The following CACNB4 variants were observed in gnomAD, a reference collection of about 807,000 sequenced individuals.
The protein encoded by CACNB4 is voltage-dependent L-type calcium channel subunit beta-4.
In CACNB4, 32 loss-of-function variants were observed where a neutral mutation model predicts 71.2. The ratio of observed to expected loss-of-function variants is 0.45; its 90% confidence interval spans 0.34 to 0.60. The LOEUF is 0.60. Among genes scored for constraint, CACNB4 ranks in the 20% least tolerant of loss-of-function variants. The probability of loss-of-function intolerance (pLI) is 0.01; values close to 1 mark genes in which losing one functional copy is unlikely to be tolerated. For missense variants in CACNB4, 464 were observed against 647.9 expected (o/e 0.72, Z 3.08); for synonymous variants, 231 against 236.9 (o/e 0.97, Z 0.23).
intron 9 of CACNB4, chr2:151,868,635 A>G (rs890128414): frequency 2.0e-5 from 3 of 152,192 alleles, no homozygotes; most frequent in Admixed American, 2.0e-4. Flanking sequence ...TCTAATAAAA[A>G]CAACCCACAA....
At chr2:151,867,727 A>G (rs974526721) in intron 9 of CACNB4, 4 of 152,364 alleles carry the variant, frequency 2.6e-5, no homozygotes, top group South Asian at 2.1e-4. Context: ...GTATGACCAC[A>G]TAACCAAGTT....
intron 2 of CACNB4, among the ~76,000 whole-genome samples, chr2:151,929,562 A>C (rs2151597889): frequency 6.6e-6 from 1 of 152,344 alleles, no homozygotes; most frequent in East Asian, 1.9e-4. Flanking sequence ...AACATTTATC[A>C]ACATGGAAAA....
At chr2:152,003,312 G>A (rs1389988605) in intron 2 of CACNB4, among the ~76,000 whole-genome samples, 2 of 152,120 alleles carry the variant, frequency 1.3e-5, no homozygotes, top group East Asian at 1.9e-4. Flanking sequence ...CGGGCCTGGT[G>A]GCATGCACCT....
At chr2:151,994,079 G>A (rs952904524) in intron 2 of CACNB4, among the ~76,000 whole-genome samples, 11 of 151,910 alleles carry the variant, frequency 7.2e-5, no homozygotes, top group Non-Finnish European at 1.2e-4. Flanking sequence ...GGCTGAGGTA[G>A]GAGAATTGCT....
intron 9 of CACNB4, chr2:151,861,245 T>G (rs2099841567): frequency 6.2e-6 from 1 of 161,040 alleles, no homozygotes; most frequent in Non-Finnish European, 1.3e-5. Context: ...TGGCATTTAA[T>G]GATGCCAGTC....
At chr2:151,964,500 T>C (rs1303292753) in intron 2 of CACNB4, among the ~76,000 whole-genome samples, 2 of 152,162 alleles carry the variant, frequency 1.3e-5, no homozygotes, top group African/African-American at 2.4e-5. Flanking sequence ...TAAAGATTTT[T>C]CCCCCAAATA....
intron 2 of CACNB4, among the ~76,000 whole-genome samples, chr2:151,889,290 G>A (rs1279096442): frequency 6.6e-6 from 1 of 152,012 alleles, no homozygotes. Context: ...CCAATGTGGT[G>A]AAACCGTCTC....
intron 2 of CACNB4, among the ~76,000 whole-genome samples, chr2:151,930,348 C>G (rs553179376): frequency 6.6e-6 from 1 of 151,986 alleles, no homozygotes; most frequent in African/African-American, 2.4e-5. Context: ...CTCCTAAAGA[C>G]TTAAAGGGTA....
chr2:151,891,530 C>CA (rs1045742516), intron 2 of CACNB4, among the ~76,000 whole-genome samples: 30 of 152,070 alleles, frequency 2.0e-4, no homozygotes, highest in African/African-American at 7.0e-4. Flanking sequence ...TGGGAAAGAA[C>CA]AAAAAACAAA....
rs558331467 is a variant in CACNB4, at chr2:152,037,437, T to C, written c.147+60893A>G. Among the ~76,000 whole-genome samples, 13 of 152,360 alleles carry C rather than the reference T, an allele frequency of 8.5e-5. No individual in the cohort carries two copies. In the South Asian group the frequency reaches 2.7e-3, roughly 32 times the overall value. On this transcript the variant is annotated intron_variant, in intron 2 of 13. Transcript: ENST00000539935. ...TGCTAAAGAAATATGTCTGTGGACA[T>C]TACAGAGGAATCGTGCCGTTCTTAA...
chr2:151,997,440 A>G (rs752275217), intron 2 of CACNB4, among the ~76,000 whole-genome samples: 27 of 152,102 alleles, frequency 1.8e-4, no homozygotes, highest in Non-Finnish European at 2.6e-4. Context: ...AGGCTGAGGC[A>G]GGAGAATGGC....
rs570185571 is a variant in CACNB4, at chr2:152,037,998, C to T, written c.147+60332G>A. ...CACCCCCAAGGAGGCCGTGACAAAA[C>T]GCAGGGCCCAGGGAATCTTCAGCAT... is the stretch of plus-strand genomic sequence containing the variant. On this transcript the variant is annotated intron_variant, in intron 2 of 13. Transcript: ENST00000539935. Among the ~76,000 whole-genome samples the T allele has an allele frequency of 3.3e-5, 5 of 152,304 alleles. No homozygotes were observed. The South Asian group carries it at 6.2e-4, about 19-fold the overall frequency.
At chr2:152,034,699 G>A (rs1684465371) in intron 2 of CACNB4, among the ~76,000 whole-genome samples, 1 of 152,100 alleles carries the variant, frequency 6.6e-6, no homozygotes, top group South Asian at 2.1e-4. Context: ...ACCAGGGGAT[G>A]GCATCCGATA....
At chr2:151,963,173 G>A (rs551613710) in intron 2 of CACNB4, among the ~76,000 whole-genome samples, 94 of 152,040 alleles carry the variant, frequency 6.2e-4, no homozygotes, top group African/African-American at 2.2e-3. Context: ...TTAGCCAGGC[G>A]TGGTGACGGG....
At chr2:152,056,195 T>C (rs1273083747) in intron 2 of CACNB4, among the ~76,000 whole-genome samples, 2 of 152,014 alleles carry the variant, frequency 1.3e-5, no homozygotes, top group African/African-American at 4.8e-5. Context: ...ACCCCGTCTC[T>C]ACTAAAAATA....
At chr2:152,019,384 G>C (rs912744038) in intron 2 of CACNB4, among the ~76,000 whole-genome samples, 1 of 152,186 alleles carries the variant, frequency 6.6e-6, no homozygotes, top group African/African-American at 2.4e-5. Flanking sequence ...ATGTATATGA[G>C]TGTATGATAG....
intron 2 of CACNB4, among the ~76,000 whole-genome samples, chr2:152,025,710 A>T (rs1246315651): frequency 6.6e-6 from 1 of 152,258 alleles, no homozygotes; most frequent in Non-Finnish European, 1.5e-5. Context: ...CCACTGTTTC[A>T]GTCATCAAAA....
chr2:152,040,703 A>G (rs1415431498), intron 2 of CACNB4, among the ~76,000 whole-genome samples: 1 of 152,216 alleles, frequency 6.6e-6, no homozygotes, highest in Non-Finnish European at 1.5e-5. Flanking sequence ...GGCCTCCCAA[A>G]GTGCTAGGAT....
At chr2:152,080,620 G>A (rs1392554826) in intron 2 of CACNB4, among the ~76,000 whole-genome samples, 3 of 152,110 alleles carry the variant, frequency 2.0e-5, no homozygotes, top group African/African-American at 7.2e-5. Flanking sequence ...TAAGATTAGT[G>A]GCATATATTT....
Sources: gnomAD v4.1 joint callset for allele counts (sites outside exome capture counted in the v4.1 genomes callset) on GRCh38, gnomAD v4.1.1 for gene constraint, MANE v1.5 for transcripts, NCBI Gene and HGNC (gene_info 2026-07-23, HGNC 2026-07-21) for gene names.